The following MGAT4C variants were observed in gnomAD, a reference collection of about 807,000 sequenced individuals.
MGAT4C encodes the protein alpha-1,3-mannosyl-glycoprotein 4-beta-N-acetylglucosaminyltransferase C.
MGAT4C carries 19 observed loss-of-function variants against 40.1 expected under a neutral mutation model. The observed-to-expected ratio is 0.47, with a 90% CI of 0.33 to 0.70. MGAT4C has a LOEUF of 0.70. Ranked by LOEUF, MGAT4C falls within the 30% of genes least tolerant of loss-of-function variation. MGAT4C has a pLI of 0.02. For synonymous variants in MGAT4C, 181 were observed against 187.1 expected (o/e 0.97, Z 0.27); for missense variants, 491 against 563.2 (o/e 0.87, Z 1.30).
At chr12:86,172,213 T>G (rs752923513) in intron 1 of MGAT4C, among the ~76,000 whole-genome samples, 1 of 152,282 alleles carries the variant, frequency 6.6e-6, no homozygotes, top group Non-Finnish European at 1.5e-5. Flanking sequence ...GACATAATAA[T>G]TATTATTTTA....
intron 1 of MGAT4C, among the ~76,000 whole-genome samples, chr12:86,090,093 T>C (rs1459656094): frequency 1.3e-5 from 2 of 151,706 alleles, no homozygotes; most frequent in African/African-American, 4.8e-5. Context: ...TATAGAATTG[T>C]AAGTGTTATT....
In MGAT4C at chr12:86,133,621, C is replaced by A. The variant is rs912241731; in HGVS notation, c.-56-83898G>T. Among the ~76,000 whole-genome samples the A allele has an allele frequency of 3.9e-5, 6 of 152,098 alleles. 1 individual carries two copies. Among genetic ancestry groups the A allele is most frequent in the Admixed American group, 3.9e-4 (6 of 15,272 alleles). On this transcript the variant is annotated intron_variant, in intron 1 of 4. Transcript: ENST00000611864. ...CTAACTTCCTACACTTATTATAATG[C>A]AGGTTATTACCTGTGGTAACTTCTT... is the stretch of plus-strand genomic sequence containing the variant.
chr12:86,354,018 G>A (rs1022416694), intron 3 of MGAT4C, among the ~76,000 whole-genome samples: 1 of 152,178 alleles, frequency 6.6e-6, no homozygotes, highest in Non-Finnish European at 1.5e-5. Context: ...CCCAACCTAT[G>A]TATGTGTGGA....
chr12:86,184,891 G>GA (rs1302887145), intron 1 of MGAT4C, among the ~76,000 whole-genome samples: 1 of 152,046 alleles, frequency 6.6e-6, no homozygotes, highest in Non-Finnish European at 1.5e-5. Context: ...CCAGTTTTCA[G>GA]AAAAAAATCT....
At chr12:86,337,247 T>A (rs1954809377) in intron 3 of MGAT4C, among the ~76,000 whole-genome samples, 1 of 152,150 alleles carries the variant, frequency 6.6e-6, no homozygotes, top group South Asian at 2.1e-4. Flanking sequence ...GGAGTGTTTT[T>A]AAAATGGAAA....
intron 2 of MGAT4C, among the ~76,000 whole-genome samples, chr12:86,711,457 C>T (rs1222939414): frequency 6.6e-6 from 1 of 152,050 alleles, no homozygotes; most frequent in Non-Finnish European, 1.5e-5. Flanking sequence ...CAAAACAGAT[C>T]TACCGCATAG....
At chr12:86,561,032 G>A (rs577534958) in intron 2 of MGAT4C, among the ~76,000 whole-genome samples, 3 of 152,040 alleles carry the variant, frequency 2.0e-5, no homozygotes, top group East Asian at 3.9e-4. Context: ...AACTAAAAAA[G>A]CACTTTCATT....
At chr12:86,166,699 G>A (rs1886235386) in intron 1 of MGAT4C, among the ~76,000 whole-genome samples, 1 of 152,082 alleles carries the variant, frequency 6.6e-6, no homozygotes, top group Admixed American at 6.6e-5. Context: ...ACTATGGTTA[G>A]ACATTTCTTA....
chr12:86,426,064 A>G (rs1433309911), intron 3 of MGAT4C, among the ~76,000 whole-genome samples: 5 of 152,226 alleles, frequency 3.3e-5, no homozygotes, highest in African/African-American at 1.2e-4. Context: ...ACATATTTAA[A>G]TATCTGAGTG....
rs1953009260 is a variant in MGAT4C, at chr12:86,835,073, C to T, written c.-262+3593G>A. Reference sequence around the variant, plus strand: ...TTTGTTTCCAAAATTTTCCAAATATCAATGTGTTTCCAAATATCAATACAA... The same window carrying T: ...TTTGTTTCCAAAATTTTCCAAATATTAATGTGTTTCCAAATATCAATACAA... On this transcript the variant is annotated intron_variant, in intron 1 of 7. Coordinates refer to the MGAT4C transcript ENST00000548651. Among the ~76,000 whole-genome samples, 4 of 151,768 alleles carry T rather than the reference C, an allele frequency of 2.6e-5. No homozygotes were observed. The South Asian group carries it at 8.3e-4, about 32-fold the overall frequency.
intron 1 of MGAT4C, among the ~76,000 whole-genome samples, chr12:86,205,030 T>C (rs1404113653): frequency 2.0e-5 from 3 of 152,024 alleles, no homozygotes; most frequent in African/African-American, 7.2e-5. Flanking sequence ...ATGTTGATCC[T>C]TGTACATATT....
intron 2 of MGAT4C, among the ~76,000 whole-genome samples, chr12:86,634,387 G>T (rs536211665): frequency 6.6e-6 from 1 of 152,208 alleles, no homozygotes; most frequent in East Asian, 1.9e-4. Flanking sequence ...TTTAAGGTGT[G>T]TTGATTATCT....
intron 1 of MGAT4C, among the ~76,000 whole-genome samples, chr12:86,782,267 C>T (rs11104086): frequency 0.034 from 4,938 of 146,354 alleles, 128 homozygotes; most frequent in Middle Eastern, 0.047. Flanking sequence ...CTGCAAGCTC[C>T]GCCTCCCGGG....
At chr12:86,593,895 G>C (rs1961429634) in intron 2 of MGAT4C, among the ~76,000 whole-genome samples, 1 of 152,088 alleles carries the variant, frequency 6.6e-6, no homozygotes, top group African/African-American at 2.4e-5. Context: ...CATACCTCTG[G>C]TGGTGGGAGT....
Position 85,967,179 on chromosome 12 carries a change from T to C in MGAT4C, c.*12110A>G, listed in dbSNP as rs534017844. On this transcript the variant is annotated 3_prime_UTR_variant, in exon 5 of 5. Transcript: ENST00000611864. ...TATTTGATATCAGCTAGCAGTAAAA[T>C]TGTGAACAAATCTGGTAAATCTTTT... 1 of 152,322 alleles carries C rather than the reference T, an allele frequency of 6.6e-6. No homozygotes were observed. Among genetic ancestry groups the C allele is most frequent in the East Asian group, 1.9e-4 (1 of 5,188 alleles). 9.4% of individuals were successfully genotyped at this position (152,322 alleles called of 1,614,324 possible).
intron 1 of MGAT4C, among the ~76,000 whole-genome samples, chr12:86,796,781 G>A (rs533070961): frequency 2.6e-5 from 4 of 151,946 alleles, no homozygotes; most frequent in African/African-American, 9.6e-5. Context: ...CATCATGGAT[G>A]TAAGTGTTCT....
At chr12:86,337,101 C>G (rs1214996030) in intron 3 of MGAT4C, among the ~76,000 whole-genome samples, 2 of 151,888 alleles carry the variant, frequency 1.3e-5, no homozygotes, top group African/African-American at 4.8e-5. Flanking sequence ...AGTCTTGGTA[C>G]ACAGAAAATG....
intron 1 of MGAT4C, among the ~76,000 whole-genome samples, chr12:86,146,684 A>T (rs1883559263): frequency 6.6e-6 from 1 of 151,774 alleles, no homozygotes; most frequent in Non-Finnish European, 1.5e-5. Context: ...GAATTTTATA[A>T]TATTATTTTA....
At chr12:86,221,069 C>T (rs946016289) in intron 1 of MGAT4C, among the ~76,000 whole-genome samples, 2 of 152,116 alleles carry the variant, frequency 1.3e-5, no homozygotes, top group Non-Finnish European at 2.9e-5. Flanking sequence ...GTTAACACCT[C>T]GTGCTAGACT....
Sources: gnomAD v4.1 joint callset for allele counts (sites outside exome capture counted in the v4.1 genomes callset) on GRCh38, gnomAD v4.1.1 for gene constraint, MANE v1.5 for transcripts, NCBI Gene and HGNC (gene_info 2026-07-23, HGNC 2026-07-21) for gene names.